Variants in STAT5B observed in about 807,000 individuals in gnomAD.
The protein encoded by STAT5B is signal transducer and activator of transcription 5B, also known as transcription factor STAT5B.
In STAT5B, 21 loss-of-function variants were observed where a neutral mutation model predicts 107.8. That is an observed-to-expected ratio of 0.19 (90% CI 0.14 to 0.28). The LOEUF (loss-of-function observed/expected upper bound fraction) is 0.28, where lower values mean the gene tolerates loss of function less well. Ranked by LOEUF, STAT5B falls within the 10% of genes least tolerant of loss-of-function variation. The pLI, the probability that STAT5B is intolerant of heterozygous loss-of-function variation, is 1.00. For missense variants in STAT5B, 565 were observed against 1,008.2 expected (o/e 0.56, Z 5.95); for synonymous variants, 325 against 401.7 (o/e 0.81, Z 2.28).
chr17:42,259,278 A>G (rs557591104), intron 1 of STAT5B, among the ~76,000 whole-genome samples: 2 of 152,302 alleles, frequency 1.3e-5, no homozygotes, highest in East Asian at 3.9e-4. Context: ...TTGGGATTAC[A>G]GGCGTGAGCC....
chr17:42,273,112 AAATTT>A (rs1386861505), intron 1 of STAT5B, among the ~76,000 whole-genome samples: 1 of 152,192 alleles, frequency 6.6e-6, no homozygotes, highest in African/African-American at 2.4e-5. Flanking sequence ...CTTAGAACTT[AAATTT>A]AAGTACAAAA....
chr17:42,243,037 CTTGT>C (rs1265296881), intron 1 of STAT5B, among the ~76,000 whole-genome samples: 1 of 151,744 alleles, frequency 6.6e-6, no homozygotes, highest in African/African-American at 2.4e-5. Context: ...CCTTTGTTCA[CTTGT>C]TTATCTGCTG....
rs60145270 is a variant in STAT5B at position 42,248,375 on chromosome 17, GAA to G, written c.-10-16240_-10-16239del. Among the ~76,000 whole-genome samples, 296 of 140,914 alleles carry G rather than the reference GAA, an allele frequency of 2.1e-3. 2 individuals carry two copies. The highest frequency in any genetic ancestry group is 7.0e-3 in the African/African-American group (273 of 38,950). The allele number at this position is 140,914 out of a possible 152,430, so 92.4% of individuals were successfully genotyped here. A position where few individuals can be genotyped will look rare whatever the true frequency, so the allele number is the denominator to read the frequency against. ...AAATCAAAATGTTTGTCCTGCTGGGGAAAAAAAAAAAACAACAACGGTTATCC... is the reference window on the plus strand; with the variant it reads ...AAATCAAAATGTTTGTCCTGCTGGGGAAAAAAAAAACAACAACGGTTATCC... On this transcript the variant is annotated intron_variant, in intron 1 of 18. Transcript: ENST00000293328.
the STAT5B span, among the ~76,000 whole-genome samples, chr17:42,287,390 G>A: frequency 1.3e-5 from 2 of 152,038 alleles, no homozygotes; most frequent in Admixed American, 1.3e-4. Flanking sequence ...CAGCTGGGCT[G>A]GCCCCTCCTC....
chr17:42,224,567 C>T (rs1168794675), intron 4 of STAT5B, among the ~76,000 whole-genome samples: 1 of 151,996 alleles, frequency 6.6e-6, no homozygotes, highest in Non-Finnish European at 1.5e-5. Context: ...CTCTCGAACT[C>T]CTGGGCTCAG....
intron 1 of STAT5B, among the ~76,000 whole-genome samples, chr17:42,266,807 G>A (rs2080677123): frequency 6.6e-6 from 1 of 152,092 alleles, no homozygotes; most frequent in Non-Finnish European, 1.5e-5. Context: ...CACTCAGGAA[G>A]CCAAATATTT....
At chr17:42,205,879 A>G (rs2080080776) in intron 16 of STAT5B, among the ~76,000 whole-genome samples, 1 of 152,136 alleles carries the variant, frequency 6.6e-6, no homozygotes, top group South Asian at 2.1e-4. Context: ...CCTGGGCAAC[A>G]AAGTGAGACC....
intron 1 of STAT5B, among the ~76,000 whole-genome samples, chr17:42,252,053 G>A (rs1223258229): frequency 6.6e-6 from 1 of 151,746 alleles, no homozygotes; most frequent in Non-Finnish European, 1.5e-5. Context: ...CTATGTTACT[G>A]TTGATGTACA....
At chr17:42,225,390 G>A (rs2080265025) in intron 3 of STAT5B, among the ~76,000 whole-genome samples, 1 of 152,116 alleles carries the variant, frequency 6.6e-6, no homozygotes, top group African/African-American at 2.4e-5. Context: ...GAATAAATAA[G>A]TTTTAAAAGC....
chr17:42,210,771 C>T (rs1045984282), intron 13 of STAT5B, among the ~76,000 whole-genome samples: 1 of 152,112 alleles, frequency 6.6e-6, no homozygotes, highest in Admixed American at 6.5e-5. Context: ...TTGCTAGTTT[C>T]GATGTGTGGT....
chr17:42,207,452 G>A, intron 16 of STAT5B, 106 bp downstream of exon 16: 1 of 1,403,344 alleles, frequency 7.1e-7, no homozygotes, highest in East Asian at 2.3e-5. Flanking sequence ...TAATTGTGTG[G>A]GTTTTCACAC....
At chr17:42,215,150 A>T (rs1297397845) in intron 12 of STAT5B, among the ~76,000 whole-genome samples, 1 of 152,202 alleles carries the variant, frequency 6.6e-6, no homozygotes, top group Non-Finnish European at 1.5e-5. Context: ...AAAGTATCTC[A>T]TTCTTCATGA....
intron 1 of STAT5B, among the ~76,000 whole-genome samples, chr17:42,246,129 G>C (rs1416766228): frequency 6.6e-6 from 1 of 152,162 alleles, no homozygotes; most frequent in South Asian, 2.1e-4. Flanking sequence ...ATTAAATTGT[G>C]TTTAAAATGT....
chr17:42,261,651 C>T (rs1229228206), intron 1 of STAT5B, among the ~76,000 whole-genome samples: 7 of 152,134 alleles, frequency 4.6e-5, no homozygotes, highest in Admixed American at 4.6e-4. Context: ...ACCTCTGCCT[C>T]CTGGGCTCAA....
chr17:42,251,495 A>G (rs2080499403), intron 1 of STAT5B, among the ~76,000 whole-genome samples: 1 of 152,180 alleles, frequency 6.6e-6, no homozygotes, highest in Non-Finnish European at 1.5e-5. Flanking sequence ...TACAGGGGGA[A>G]ATGTCATTAA....
At position 42,249,667 on chromosome 17, in the gene STAT5B, A is replaced by AT. The variant is rs903791612; in HGVS notation, c.-10-17531dup. Among the ~76,000 whole-genome samples the AT allele has an allele frequency of 5.7e-4, 85 of 147,828 alleles. 1 individual carries two copies. Among genetic ancestry groups the AT allele is most frequent in the Middle Eastern group, 3.5e-3 (1 of 284 alleles). On this transcript the variant is annotated intron_variant, in intron 1 of 18. Coordinates refer to ENST00000293328, the MANE Select transcript of STAT5B (RefSeq NM_012448.4). The stretch of plus-strand genomic sequence containing the variant: ...AAAGGGGAAGAGGATAGAAAATATA[A>AT]TTTTTTTTTTTGAGACAGGGTCTCA...
chr17:42,272,129 C>T (rs930854011), intron 1 of STAT5B: 5 of 152,154 alleles, frequency 3.3e-5, no homozygotes, highest in African/African-American at 1.2e-4. Flanking sequence ...CTTAACTCAT[C>T]CTGCAACATT....
chr17:42,271,438 T>G (rs1471038017), intron 1 of STAT5B: 1 of 152,264 alleles, frequency 6.6e-6, no homozygotes, highest in Non-Finnish European at 1.5e-5. Context: ...AAAGTTTTCA[T>G]ATTTTCTGAG....
intron 1 of STAT5B, among the ~76,000 whole-genome samples, chr17:42,256,809 C>A (rs1046785708): frequency 7.9e-6 from 1 of 127,310 alleles, no homozygotes; most frequent in Admixed American, 1.0e-4. Context: ...GTGCAGTGAA[C>A]GGAGATTGCG....
Sources: allele counts gnomAD v4.1 joint callset (sites outside exome capture counted in the v4.1 genomes callset), GRCh38; gene constraint gnomAD v4.1.1; transcripts MANE v1.5; gene names NCBI Gene and HGNC (gene_info 2026-07-23, HGNC 2026-07-21).